The following ZNF490 variants were observed in gnomAD, a reference collection of about 807,000 sequenced individuals.
The protein encoded by ZNF490 is zinc finger protein 490.
Under a neutral mutation model 17.7 loss-of-function variants are expected in ZNF490, and 11 were observed. The ratio of observed to expected loss-of-function variants is 0.62; its 90% CI spans 0.39 to 1.03. The LOEUF (loss-of-function observed/expected upper bound fraction) is 1.03. Among genes scored for constraint, ZNF490 ranks in the 50% least tolerant of loss-of-function variants. ZNF490 has a pLI of 0.00. For synonymous variants in ZNF490, 222 were observed against 216.1 expected (o/e 1.03, Z -0.24); for missense variants, 542 against 643.4 (o/e 0.84, Z 1.71).
At chr19:12,592,546 T>G (rs1480240734) in intron 2 of ZNF490, among the ~76,000 whole-genome samples, 1 of 152,156 alleles carries the variant, frequency 6.6e-6, no homozygotes, top group Non-Finnish European at 1.5e-5. Flanking sequence ...GGCTTTTGAC[T>G]GTCAAGAATT....
intron 2 of ZNF490, among the ~76,000 whole-genome samples, chr19:12,601,386 T>C (rs965193680): frequency 1.3e-5 from 2 of 149,156 alleles, no homozygotes; most frequent in African/African-American, 2.5e-5. Flanking sequence ...AGACTCCGTC[T>C]GAAAAAAAAA....
chr19:12,597,367 C>A (rs2022947308), intron 2 of ZNF490: 2 of 309,434 alleles, frequency 6.5e-6, no homozygotes, highest in Non-Finnish European at 1.3e-5. Context: ...TGTGCCCCCG[C>A]CCCCTGACCC....
intron 2 of ZNF490, among the ~76,000 whole-genome samples, chr19:12,589,470 G>A (rs8104385): frequency 0.61 from 92,715 of 151,792 alleles, 29,274 homozygotes; most frequent in Non-Finnish European, 0.69. Flanking sequence ...GACAAAGATT[G>A]TTAATATGAC....
chr19:12,609,664 T>A (rs997631509), intron 1 of ZNF490, among the ~76,000 whole-genome samples: 10 of 152,190 alleles, frequency 6.6e-5, no homozygotes, highest in African/African-American at 2.2e-4. Context: ...TGAGATAAAT[T>A]TCCTTCCACT....
chr19:12,593,537 A>G (rs1160557652), intron 2 of ZNF490, among the ~76,000 whole-genome samples: 1 of 152,200 alleles, frequency 6.6e-6, no homozygotes, highest in Non-Finnish European at 1.5e-5. Flanking sequence ...GGCGTGAGCC[A>G]CCACACCCAG....
chr19:12,604,841 T>A (rs925610958), intron 2 of ZNF490, among the ~76,000 whole-genome samples: 34 of 149,054 alleles, frequency 2.3e-4, no homozygotes, highest in African/African-American at 8.4e-4. Context: ...AAAATAATAA[T>A]AATAATAAAT....
At position 12,609,665 on chromosome 19, in the gene ZNF490, T is replaced by G. The variant is rs74653484; in HGVS notation, c.118-463A>C. Among the ~76,000 whole-genome samples, 42 of 152,312 alleles carry G rather than the reference T, an allele frequency of 2.8e-4. 1 individual carries two copies. In the East Asian group the frequency reaches 3.3e-3, roughly 12 times the overall value. ...TTAGAAAACTTATTTGAGATAAATTTCCTTCCACTTTACAGCAACACGGAT... is the reference window on the plus strand; with the variant it reads ...TTAGAAAACTTATTTGAGATAAATTGCCTTCCACTTTACAGCAACACGGAT... On this transcript the variant is annotated intron_variant, in intron 1 of 4. Transcript: ENST00000311437.
chr19:12,577,904 G>C lies in ZNF490; in HGVS notation c.*2581C>G. On this transcript the variant is annotated 3_prime_UTR_variant, in exon 5 of 5. Coordinates refer to ENST00000311437, the MANE Select transcript of ZNF490 (RefSeq NM_020714.3). ...AAAAGGGGGGACTGACTCCAACAAA[G>C]GACAGACCCGACCCCTATCGTGCCT... 1 of 985,476 alleles carries C rather than the reference G, an allele frequency of 1.0e-6. No homozygotes were observed. Among genetic ancestry groups the C allele is most frequent in the Non-Finnish European group, 1.2e-6 (1 of 829,956 alleles). The allele number at this position is 985,476 out of a possible 1,614,324, so 61.0% of individuals were successfully genotyped here. A position where few individuals can be genotyped will look rare whatever the true frequency, so the allele number is the denominator to read the frequency against.
intron 2 of ZNF490, among the ~76,000 whole-genome samples, chr19:12,589,532 T>C (rs888273375): frequency 1.3e-5 from 2 of 150,544 alleles, no homozygotes; most frequent in African/African-American, 4.9e-5. Context: ...CTATTTATGA[T>C]AGCAAACTAG....
chr19:12,577,521 AGAGAAGCGAAT>A lies in ZNF490; in HGVS notation c.*2953_*2963del, dbSNP rs1240404265. The A allele has an allele frequency of 1.7e-4, 97 of 580,824 alleles. No individual in the cohort carries two copies. Among genetic ancestry groups the A allele is most frequent in the Non-Finnish European group, 1.8e-4 (93 of 513,340 alleles). 36.0% of individuals were successfully genotyped at this position (580,824 alleles called of 1,614,324 possible). On this transcript the variant is annotated 3_prime_UTR_variant, in exon 5 of 5. Coordinates refer to ENST00000311437, the MANE Select transcript of ZNF490 (RefSeq NM_020714.3). ...CATACTACCATAAATGTTCCTGGTGAGAGAAGCGAATGTTCCTGGTGAGAGAAGCGAAGGTG... is the reference window on the plus strand; with the variant it reads ...CATACTACCATAAATGTTCCTGGTGAGTTCCTGGTGAGAGAAGCGAAGGTG...
chr19:12,580,853 G>A lies in ZNF490; in HGVS notation c.1222C>T (p.His408Tyr). The A allele has an allele frequency of 6.2e-7, 1 of 1,614,060 alleles. No homozygotes were observed. Among genetic ancestry groups the A allele is most frequent in the Non-Finnish European group, 8.5e-7 (1 of 1,179,982 alleles). The change falls in exon 5 of 5, where the codon CAC becomes TAC. Residue 408 changes from histidine to tyrosine, a missense_variant. Physicochemically the swap from His to Tyr is moderately conservative, Grantham distance 83. Coordinates refer to ENST00000311437, the MANE Select transcript of ZNF490 (RefSeq NM_020714.3). ...TTCTCGCCAGTGTGAACTCTTTCGT[G>A]CAACTGAAGGTAACTTGAAGAATTG... ...AFNSSSYLQL[H>Y]ERVHTGEKTY...
chr19:12,583,795 A>C (rs868008320), intron 2 of ZNF490, among the ~76,000 whole-genome samples: 1,126 of 91,310 alleles, frequency 0.012, 15 homozygotes, highest in East Asian at 0.098. Flanking sequence ...CTCTCTCTAT[A>C]TATATATATA....
At chr19:12,591,227 A>G (rs906849680) in intron 2 of ZNF490, among the ~76,000 whole-genome samples, 1 of 152,020 alleles carries the variant, frequency 6.6e-6, no homozygotes, top group African/African-American at 2.4e-5. Flanking sequence ...TGTCTCTACT[A>G]AAAATACAAA....
rs142729091 is a variant in ZNF490 at position 12,591,791 on chromosome 19, C to T, written c.163-8235G>A. On this transcript the variant is annotated intron_variant, in intron 2 of 4. Coordinates refer to ENST00000311437, the MANE Select transcript of ZNF490 (RefSeq NM_020714.3). ...AAGTATCATCATTATTTGCTGCTGG[C>T]AATGGAAAATGATACTCCCACTTTG... 5.0e-5 allele frequency among the ~76,000 whole-genome samples: 7 copies of T among 140,906 alleles called. No individual in the cohort carries two copies. In the East Asian group the frequency reaches 1.5e-3, roughly 29 times the overall value. 92.4% of individuals were successfully genotyped at this position (140,906 alleles called of 152,430 possible).
chr19:12,583,021 C>G (rs1180039912), intron 3 of ZNF490, 111 bp from the exon 4 acceptor site: 19 of 843,842 alleles, frequency 2.3e-5, no homozygotes, highest in Non-Finnish European at 3.3e-5. Context: ...GTCTGATCTA[C>G]TTACTAAAGT....
rs759119432 is a variant in ZNF490 at position 12,581,010 on chromosome 19, G to C, written c.1065C>G (p.Thr355=). The C allele has an allele frequency of 1.3e-4, 204 of 1,613,954 alleles. No individual in the cohort carries two copies. The highest frequency in any genetic ancestry group is 8.2e-4 in the Admixed American group (49 of 59,970). The change falls in exon 5 of 5, where the codon ACC becomes ACG. Residue 355 remains threonine (T), a synonymous_variant. Transcript: ENST00000311437. ...ATGTATAAGGTTGAACTCCGGTGTGGGTTTTCACGTGTTTTCGAAGGCTTG... is the reference window on the plus strand; with the variant it reads ...ATGTATAAGGTTGAACTCCGGTGTGCGTTTTCACGTGTTTTCGAAGGCTTG... The part of the protein sequence containing the change: ...SHSSLRKHVK[T]HTGVQPYTCK...
chr19:12,593,718 A>C (rs757683180), intron 2 of ZNF490, among the ~76,000 whole-genome samples: 55 of 152,168 alleles, frequency 3.6e-4, no homozygotes, highest in Admixed American at 7.2e-4. Context: ...TTAAGGGATA[A>C]AAAGCAGCAG....
intron 2 of ZNF490, among the ~76,000 whole-genome samples, chr19:12,604,367 T>C (rs2023042165): frequency 6.6e-6 from 1 of 151,890 alleles, no homozygotes; most frequent in African/African-American, 2.4e-5. Context: ...AATACAAAAA[T>C]TAGGCCAGGT....
intron 4 of ZNF490, 63 bp from the exon 5 acceptor site, chr19:12,581,787 A>C: frequency 7.2e-7 from 1 of 1,379,530 alleles, no homozygotes; most frequent in Non-Finnish European, 9.8e-7. Context: ...TTTATTAGCA[A>C]GTACCAGAAT....
Sources: allele counts gnomAD v4.1 joint callset (sites outside exome capture counted in the v4.1 genomes callset), GRCh38; gene constraint gnomAD v4.1.1; transcripts MANE v1.5; gene names NCBI Gene and HGNC (gene_info 2026-07-23, HGNC 2026-07-21).